LRP1B: variants seen among roughly 807,000 people sequenced by gnomAD.
The protein encoded by LRP1B is low-density lipoprotein receptor-related protein 1B.
A neutral mutation model predicts 556.6 loss-of-function variants in LRP1B; 217 were observed. The ratio of observed to expected loss-of-function variants is 0.39; its 90% CI spans 0.35 to 0.44. LRP1B has a LOEUF of 0.44. LRP1B is among the 20% of genes least tolerant of loss of function. The pLI, the probability that LRP1B is intolerant of heterozygous loss-of-function variation, is 1.00. For missense variants in LRP1B, 5,053 were observed against 5,620.8 expected (o/e 0.90, Z 3.23); for synonymous variants, 2,047 against 1,865.8 (o/e 1.10, Z -2.50).
chr2:140,725,900 C>G (rs894389051), intron 35 of LRP1B, among the ~76,000 whole-genome samples: 1 of 152,024 alleles, frequency 6.6e-6, no homozygotes, highest in Non-Finnish European at 1.5e-5. Context: ...TTGCCCTCAA[C>G]CTTAGCAACC....
chr2:140,423,528 T>C (rs1419582142), intron 66 of LRP1B, among the ~76,000 whole-genome samples: 3 of 147,120 alleles, frequency 2.0e-5, no homozygotes, highest in African/African-American at 7.5e-5. Context: ...TATTTAATAA[T>C]TATTTATTCA....
intron 7 of LRP1B, among the ~76,000 whole-genome samples, chr2:141,096,611 A>T (rs1200877449): frequency 7.3e-6 from 1 of 137,568 alleles, no homozygotes; most frequent in Admixed American, 7.7e-5. Flanking sequence ...AGCCTGAATG[A>T]CAAAGACGGG....
chr2:141,501,052 C>G (rs1383733289), intron 2 of LRP1B, among the ~76,000 whole-genome samples: 2 of 151,994 alleles, frequency 1.3e-5, no homozygotes, highest in African/African-American at 4.8e-5. Context: ...TTTCAAACAA[C>G]AAAAACATAT....
At chr2:140,956,546 ATACAT>A (rs570155545) in intron 18 of LRP1B, among the ~76,000 whole-genome samples, 180 of 151,914 alleles carry the variant, frequency 1.2e-3, no homozygotes, top group African/African-American at 4.2e-3. Context: ...CACTGAGAAA[ATACAT>A]TACATTTCTA....
chr2:142,103,388 A>T (rs1240522606), intron 1 of LRP1B, among the ~76,000 whole-genome samples: 1 of 151,954 alleles, frequency 6.6e-6, no homozygotes. Flanking sequence ...CTTTGAATAT[A>T]AAAGCTACTG....
At chr2:140,802,628 T>C (rs1690554933) in intron 32 of LRP1B, among the ~76,000 whole-genome samples, 1 of 152,206 alleles carries the variant, frequency 6.6e-6, no homozygotes, top group African/African-American at 2.4e-5. Context: ...CTTCTAGTGA[T>C]GCTTTATATG....
chr2:141,958,260 G>A (rs183207767), intron 1 of LRP1B, among the ~76,000 whole-genome samples: 20 of 152,000 alleles, frequency 1.3e-4, no homozygotes, highest in Admixed American at 1.2e-3. Flanking sequence ...CATTAGAAGA[G>A]GCAGCTGGGT....
intron 63 of LRP1B, among the ~76,000 whole-genome samples, chr2:140,450,202 A>C (rs778620507): frequency 6.6e-6 from 1 of 152,184 alleles, no homozygotes; most frequent in African/African-American, 2.4e-5. Flanking sequence ...ATTGAGTGAC[A>C]TTCTGGAAAC....
intron 49 of LRP1B, among the ~76,000 whole-genome samples, chr2:140,518,529 T>A (rs1239937822): frequency 6.6e-6 from 1 of 152,168 alleles, no homozygotes; most frequent in Admixed American, 6.6e-5. Flanking sequence ...CAAGATAATT[T>A]CAAAATTAAC....
At chr2:140,299,455 T>A (rs184089561) in intron 83 of LRP1B, among the ~76,000 whole-genome samples, 11 of 152,246 alleles carry the variant, frequency 7.2e-5, no homozygotes, top group Admixed American at 2.6e-4. Context: ...GGCAGATAAA[T>A]GCCTATTAAT....
intron 24 of LRP1B, among the ~76,000 whole-genome samples, chr2:140,884,557 T>C (rs1370630256): frequency 1.3e-5 from 2 of 152,170 alleles, no homozygotes; most frequent in Non-Finnish European, 2.9e-5. Context: ...CAACCCCAGA[T>C]GACCCTCTTC....
intron 1 of LRP1B, among the ~76,000 whole-genome samples, chr2:142,016,012 A>AAAAAAAAAAT (rs1559023425): frequency 4.0e-5 from 6 of 149,330 alleles, no homozygotes; most frequent in Admixed American, 6.7e-5. Context: ...AAAAAAAAAA[A>AAAAAAAAAAT]GTGGGTGAAG....
chr2:140,779,810 T>G, intron 32 of LRP1B, among the ~76,000 whole-genome samples: 1 of 147,352 alleles, frequency 6.8e-6, no homozygotes, highest in African/African-American at 2.5e-5. Flanking sequence ...GAGATATATA[T>G]CATAAATTTA....
intron 3 of LRP1B, among the ~76,000 whole-genome samples, chr2:141,315,053 C>G (rs980681918): frequency 4.0e-5 from 6 of 150,210 alleles, no homozygotes; most frequent in African/African-American, 1.2e-4. Context: ...CAGTATCTAA[C>G]CAAACAGGTA....
At chr2:141,623,345 A>T (rs1008445077) in intron 2 of LRP1B, among the ~76,000 whole-genome samples, 13 of 152,302 alleles carry the variant, frequency 8.5e-5, no homozygotes, top group African/African-American at 3.1e-4. Context: ...ATAAGCAACT[A>T]TTTGTGGACA....
At chr2:140,538,385 C>A (rs1680008096) in intron 45 of LRP1B, among the ~76,000 whole-genome samples, 2 of 152,028 alleles carry the variant, frequency 1.3e-5, no homozygotes, top group South Asian at 4.2e-4. Context: ...TTTCTCTCCC[C>A]ACTCTAACAG....
chr2:140,621,014 A>T (rs1341852515), intron 41 of LRP1B, among the ~76,000 whole-genome samples: 1 of 152,004 alleles, frequency 6.6e-6, no homozygotes, highest in Non-Finnish European at 1.5e-5. Context: ...CCACTCATCT[A>T]TTGCAATTTT....
intron 1 of LRP1B, among the ~76,000 whole-genome samples, chr2:141,880,440 T>A (rs1327575017): frequency 6.6e-6 from 1 of 151,904 alleles, no homozygotes; most frequent in African/African-American, 2.4e-5. Flanking sequence ...AAACTATATA[T>A]AAATGATTAT....
intron 43 of LRP1B, among the ~76,000 whole-genome samples, chr2:140,570,537 T>A (rs892528136): frequency 6.6e-6 from 1 of 151,702 alleles, no homozygotes; most frequent in Admixed American, 6.6e-5. Flanking sequence ...TCATAAATGG[T>A]CTCCCATCAG....
Sources: gnomAD v4.1 joint callset for allele counts (sites outside exome capture counted in the v4.1 genomes callset) on GRCh38, gnomAD v4.1.1 for gene constraint, MANE v1.5 for transcripts, NCBI Gene and HGNC (gene_info 2026-07-23, HGNC 2026-07-21) for gene names.